Variants in FHOD3 observed in about 807,000 individuals in gnomAD.
FHOD3 encodes FH1/FH2 domain-containing protein 3.
A neutral mutation model predicts 173.0 loss-of-function variants in FHOD3; 90 were observed. That is an observed-to-expected ratio of 0.52 (90% CI 0.44 to 0.62). The LOEUF is 0.62. Among genes scored for constraint, FHOD3 ranks in the 20% least tolerant of loss-of-function variants. FHOD3 has a pLI of 0.00. For missense variants in FHOD3, 1,945 were observed against 2,034.7 expected, an observed-to-expected ratio of 0.96 and a Z score of 0.85; for synonymous variants, 828 against 823.0, an observed-to-expected ratio of 1.01 and a Z score of -0.10.
At chr18:36,703,644 TG>T (rs1019998499) in intron 17 of FHOD3, among the ~76,000 whole-genome samples, 1 of 152,168 alleles carries the variant, frequency 6.6e-6, no homozygotes, top group Non-Finnish European at 1.5e-5. Context: ...AGTGAGGTTT[TG>T]GGGACCAGAT....
intron 3 of FHOD3, among the ~76,000 whole-genome samples, chr18:36,460,971 G>T (rs1056323797): frequency 2.6e-5 from 4 of 152,202 alleles, no homozygotes; most frequent in Non-Finnish European, 5.9e-5. Flanking sequence ...GTTGTTGGCA[G>T]TGGTAATTAT....
At chr18:36,553,988 T>C (rs1021246339) in intron 5 of FHOD3, among the ~76,000 whole-genome samples, 8 of 152,068 alleles carry the variant, frequency 5.3e-5, no homozygotes, top group African/African-American at 1.4e-4. Context: ...CAGGAAACAG[T>C]AGGTGCTGGA....
chr18:36,727,697 T>A (rs994122557), intron 19 of FHOD3, among the ~76,000 whole-genome samples: 8 of 152,106 alleles, frequency 5.3e-5, no homozygotes, highest in Admixed American at 6.6e-5. Context: ...CTACTGAGAA[T>A]GGGGCCAAGG....
chr18:36,745,196 G>A (rs575855204), intron 23 of FHOD3, among the ~76,000 whole-genome samples: 48 of 152,190 alleles, frequency 3.2e-4, no homozygotes, highest in African/African-American at 8.0e-4. Context: ...CCTACCTCCA[G>A]AGCCACAGGC....
chr18:36,709,758 G>A (rs1255787293), intron 18 of FHOD3: 1 of 187,770 alleles, frequency 5.3e-6, no homozygotes, highest in Non-Finnish European at 1.1e-5. Flanking sequence ...TAATAGTAAG[G>A]CTTTTTCCGT....
At chr18:36,397,377 G>A (rs1206986461) in intron 3 of FHOD3, among the ~76,000 whole-genome samples, 1 of 152,078 alleles carries the variant, frequency 6.6e-6, no homozygotes, top group African/African-American at 2.4e-5. Context: ...AGTGTTTGTA[G>A]AAATTGTTTT....
chr18:36,724,052 A>G (rs1169393769), intron 19 of FHOD3, among the ~76,000 whole-genome samples: 1 of 152,206 alleles, frequency 6.6e-6, no homozygotes. Context: ...CTCTTTTCCA[A>G]TAACCATTCC....
At chr18:36,534,844 C>T (rs1160971044) in intron 5 of FHOD3, among the ~76,000 whole-genome samples, 1 of 152,170 alleles carries the variant, frequency 6.6e-6, no homozygotes, top group East Asian at 1.9e-4. Context: ...TTGCAAACTC[C>T]AGGTCTGGCT....
In FHOD3 at chr18:36,659,851, G is replaced by A. The variant is rs548190184; in HGVS notation, c.1835+1663G>A. 2.5e-4 allele frequency among the ~76,000 whole-genome samples: 38 copies of A among 152,296 alleles called. No homozygotes were observed. In the East Asian group the frequency reaches 6.2e-3, roughly 25 times the overall value. On this transcript the variant is annotated intron_variant, in intron 14 of 28. Transcript: ENST00000590592. ...CGCTTTTCTGCCACTGGAATCCCAG[G>A]TCCAGGTTTGGGCTAGAAGATCCAG... is the stretch of plus-strand genomic sequence containing the variant.
chr18:36,310,753 A>T (rs2092237185), intron 1 of FHOD3, among the ~76,000 whole-genome samples: 1 of 151,750 alleles, frequency 6.6e-6, no homozygotes, highest in Non-Finnish European at 1.5e-5. Flanking sequence ...CGTGGACTGC[A>T]TGGCCTGGAA....
chr18:36,338,456 T>C (rs2039700176), intron 1 of FHOD3, among the ~76,000 whole-genome samples: 1 of 152,180 alleles, frequency 6.6e-6, no homozygotes, highest in South Asian at 2.1e-4. Context: ...ACCAAAAGTA[T>C]TCTAAAACGC....
At chr18:36,352,862 A>G (rs2046196100) in intron 1 of FHOD3, among the ~76,000 whole-genome samples, 1 of 152,270 alleles carries the variant, frequency 6.6e-6, no homozygotes, top group Admixed American at 6.5e-5. Flanking sequence ...ACAGCAGTAG[A>G]AATTAAAGCA....
At chr18:36,561,627 ATGT>A (rs1011226617) in intron 5 of FHOD3, among the ~76,000 whole-genome samples, 10 of 152,298 alleles carry the variant, frequency 6.6e-5, no homozygotes, top group Admixed American at 2.0e-4. Context: ...TATCTTCATA[ATGT>A]TGTGCCACCA....
At chr18:36,444,279 A>G (rs908674604) in intron 3 of FHOD3, among the ~76,000 whole-genome samples, 1 of 151,320 alleles carries the variant, frequency 6.6e-6, no homozygotes, top group African/African-American at 2.4e-5. Flanking sequence ...AGAGTTACTT[A>G]AGTTCTCTTT....
intron 7 of FHOD3, among the ~76,000 whole-genome samples, chr18:36,597,552 G>T (rs905920088): frequency 6.6e-6 from 1 of 151,832 alleles, no homozygotes; most frequent in African/African-American, 2.4e-5. Context: ...TCAGCCTCCC[G>T]AGTAGTTGGG....
At chr18:36,530,439 G>A (rs2056734615) in intron 5 of FHOD3, among the ~76,000 whole-genome samples, 1 of 152,158 alleles carries the variant, frequency 6.6e-6, no homozygotes, top group South Asian at 2.1e-4. Context: ...TGTCCCTGCT[G>A]CCTAGAACAA....
chr18:36,562,133 C>G (rs1406613759), intron 5 of FHOD3, among the ~76,000 whole-genome samples: 1 of 152,150 alleles, frequency 6.6e-6, no homozygotes, highest in Non-Finnish European at 1.5e-5. Context: ...TCTCCTGCCT[C>G]AGCCTCCCAA....
chr18:36,480,637 A>G (rs990057273), intron 3 of FHOD3, among the ~76,000 whole-genome samples: 4 of 152,234 alleles, frequency 2.6e-5, no homozygotes, highest in Non-Finnish European at 5.9e-5. Context: ...AACTTTAGTC[A>G]TATTGCCCAC....
chr18:36,621,543 C>A (rs115617779), intron 9 of FHOD3, among the ~76,000 whole-genome samples: 161 of 152,208 alleles, frequency 1.1e-3, no homozygotes, highest in African/African-American at 3.7e-3. Flanking sequence ...GTTGGCTGGG[C>A]CATGTGTCTT....
Sources: allele counts gnomAD v4.1 joint callset (sites outside exome capture counted in the v4.1 genomes callset), GRCh38; gene constraint gnomAD v4.1.1; transcripts MANE v1.5; gene names NCBI Gene and HGNC (gene_info 2026-07-23, HGNC 2026-07-21).